Variants in NRG2 observed in about 807,000 individuals in gnomAD.
The protein encoded by NRG2 is pro-neuregulin-2, membrane-bound isoform.
In NRG2, 27 loss-of-function variants were observed where a neutral mutation model predicts 73.9. That is an observed-to-expected ratio of 0.37 (90% confidence interval 0.27 to 0.50). The LOEUF is 0.50. Among genes scored for constraint, NRG2 ranks in the 20% least tolerant of loss-of-function variants. NRG2 has a pLI of 0.96. For missense variants in NRG2, 1,126 were observed against 1,210.1 expected, an observed-to-expected ratio of 0.93 and a Z score of 1.03; for synonymous variants, 532 against 541.0, an observed-to-expected ratio of 0.98 and a Z score of 0.23.
chr5:139,961,254 A>G (rs546343443), intron 1 of NRG2, among the ~76,000 whole-genome samples: 5 of 152,258 alleles, frequency 3.3e-5, no homozygotes, highest in Non-Finnish European at 7.4e-5. Flanking sequence ...GCTACTGCAC[A>G]TAAGTGCATC....
intron 9 of NRG2, 58 bp from the exon 10 acceptor site, chr5:139,848,755 G>GTA: frequency 3.7e-6 from 3 of 811,886 alleles, no homozygotes; most frequent in Non-Finnish European, 5.2e-6. Context: ...CGGGGGAGGG[G>GTA]GGGTTGGGGG....
At chr5:139,929,627 C>T (rs1163518449) in intron 1 of NRG2, among the ~76,000 whole-genome samples, 9 of 152,212 alleles carry the variant, frequency 5.9e-5, no homozygotes, top group East Asian at 1.9e-4. Context: ...AGAGAAGCCA[C>T]ACTTCCATAT....
chr5:139,951,798 C>A (rs961902264), intron 1 of NRG2, among the ~76,000 whole-genome samples: 1 of 152,232 alleles, frequency 6.6e-6, no homozygotes, highest in African/African-American at 2.4e-5. Flanking sequence ...CCTCCTATGG[C>A]ACGCCCTCCC....
Position 139,871,667 on chromosome 5 carries a change from C to A in NRG2, c.1112+54G>T, listed in dbSNP as rs1345713328. ...TTTCCTAGAGCCCTCCACTTCTGAC[C>A]CAGCATCTCCTACCCTGTTCTTGCT... On this transcript the variant is annotated intron_variant, in intron 4 of 9. Transcript: ENST00000361474. 1.9e-6 allele frequency: 3 copies of A among 1,605,036 alleles called. No individual in the cohort carries two copies. In the African/African-American group the frequency reaches 4.0e-5, roughly 21 times the overall value.
intron 1 of NRG2, among the ~76,000 whole-genome samples, chr5:139,997,946 T>C (rs1424746621): frequency 9.9e-5 from 15 of 152,220 alleles, no homozygotes; most frequent in Admixed American, 9.8e-4. Context: ...AGGAAGCTTT[T>C]GTTAAACACT....
At position 139,904,707 on chromosome 5, in the gene NRG2, C is replaced by T. The variant is rs1393595994; in HGVS notation, c.701-17196G>A. ...ACAGACCTCCTCGCCGAAGAGGGGG[C>T]TTGAGCTGGGCTGGGGGCCTGAGCA... is the stretch of plus-strand genomic sequence containing the variant. On this transcript the variant is annotated intron_variant, in intron 1 of 9. Coordinates refer to ENST00000361474, the MANE Select transcript of NRG2 (RefSeq NM_004883.3). The surrounding 1 kb of genome is among the most constrained non-coding windows in gnomAD (Gnocchi z 6.0). Among the ~76,000 whole-genome samples, 1 of 152,160 alleles carries T rather than the reference C, an allele frequency of 6.6e-6. No individual in the cohort carries two copies. Among genetic ancestry groups the T allele is most frequent in the Non-Finnish European group, 1.5e-5 (1 of 68,022 alleles).
At chr5:139,972,605 T>A (rs1427022557) in intron 1 of NRG2, among the ~76,000 whole-genome samples, 5 of 152,112 alleles carry the variant, frequency 3.3e-5, no homozygotes, top group Non-Finnish European at 5.9e-5. Context: ...ACGCCTGTAA[T>A]CCCAGCTACT....
intron 1 of NRG2, among the ~76,000 whole-genome samples, chr5:139,917,532 G>T (rs1003349384): frequency 6.6e-6 from 1 of 152,144 alleles, no homozygotes; most frequent in Non-Finnish European, 1.5e-5. Flanking sequence ...GATTACAGGT[G>T]TAAGCCACTG....
intron 1 of NRG2, among the ~76,000 whole-genome samples, chr5:139,924,438 T>G (rs1751901327): frequency 6.6e-6 from 1 of 152,242 alleles, no homozygotes; most frequent in Admixed American, 6.5e-5. Context: ...CAGATGGAAT[T>G]ACTCAACCGG....
chr5:139,925,033 C>G (rs1751949962), intron 1 of NRG2, among the ~76,000 whole-genome samples: 1 of 152,038 alleles, frequency 6.6e-6, no homozygotes, highest in African/African-American at 2.4e-5. Flanking sequence ...GAGTAGCCTG[C>G]AGGGAGGGCA....
At chr5:139,848,760 TGG>T in intron 9 of NRG2, 63 bp from the exon 10 acceptor site, 3 of 44,168 alleles carry the variant, frequency 6.8e-5, no homozygotes, top group East Asian at 2.7e-4. Flanking sequence ...GAGGGGGGGT[TGG>T]GGGTGGGGTA....
At chr5:139,896,051 GA>G (rs996238273) in intron 1 of NRG2, among the ~76,000 whole-genome samples, 6 of 152,192 alleles carry the variant, frequency 3.9e-5, no homozygotes, top group African/African-American at 1.4e-4. Flanking sequence ...AGTTGTTTCT[GA>G]AGCTCTGAGT....
intron 1 of NRG2, among the ~76,000 whole-genome samples, chr5:139,946,634 T>A (rs2126448088): frequency 6.6e-6 from 1 of 152,174 alleles, no homozygotes; most frequent in African/African-American, 2.4e-5. Context: ...TTCCTCAAAA[T>A]TAGAAACTTC....
intron 1 of NRG2, among the ~76,000 whole-genome samples, chr5:140,009,099 G>A (rs1303435226): frequency 2.6e-5 from 4 of 152,146 alleles, no homozygotes; most frequent in Non-Finnish European, 4.4e-5. Context: ...TGGCAAAATG[G>A]CACCACAAAC....
chr5:139,971,798 A>C (rs1755990452), intron 1 of NRG2, among the ~76,000 whole-genome samples: 2 of 152,338 alleles, frequency 1.3e-5, no homozygotes, highest in Middle Eastern at 3.4e-3. Context: ...AATGAAAGTA[A>C]AAATGTAGTA....
At chr5:139,858,786 C>G (rs6897418) in intron 5 of NRG2, among the ~76,000 whole-genome samples, 1 of 152,172 alleles carries the variant, frequency 6.6e-6, no homozygotes, top group African/African-American at 2.4e-5. Flanking sequence ...TGCAGATTCA[C>G]GCCTGTGCAC....
chr5:140,024,477 G>C (rs920106394), intron 1 of NRG2, among the ~76,000 whole-genome samples: 5 of 152,082 alleles, frequency 3.3e-5, no homozygotes, highest in Admixed American at 3.3e-4. Flanking sequence ...GGATGGTCTC[G>C]ATCTCCTGAC....
Position 139,960,388 on chromosome 5 carries a change from GC to G in NRG2, c.701-72878del, listed in dbSNP as rs778592089. ...AAATTAGCTGGGCACAGTGGCACAT[GC>G]CCGTAGTCCCAGCTACTCGGGAGGC... On this transcript the variant is annotated intron_variant, in intron 1 of 9. Coordinates refer to ENST00000361474, the MANE Select transcript of NRG2 (RefSeq NM_004883.3). Among the ~76,000 whole-genome samples the G allele has an allele frequency of 2.6e-5, 4 of 152,280 alleles. No individual in the cohort carries two copies. In the East Asian group the frequency reaches 7.7e-4, roughly 29 times the overall value.
intron 1 of NRG2, among the ~76,000 whole-genome samples, chr5:139,962,359 C>T (rs1489810425): frequency 6.6e-6 from 1 of 152,202 alleles, no homozygotes; most frequent in African/African-American, 2.4e-5. Context: ...GAAGGGTGAT[C>T]AGAGCCAGCT....
Sources: allele counts gnomAD v4.1 joint callset (sites outside exome capture counted in the v4.1 genomes callset), GRCh38; gene constraint gnomAD v4.1.1; non-coding constraint Gnocchi (gnomAD v3.1); transcripts MANE v1.5; gene names NCBI Gene and HGNC (gene_info 2026-07-23, HGNC 2026-07-21).